CUL1: variants seen among roughly 807,000 people sequenced by gnomAD.
CUL1 encodes cullin 1.
CUL1 carries 24 observed loss-of-function variants against 118.0 expected under a neutral mutation model. The observed-to-expected ratio is 0.20, with a 90% CI of 0.15 to 0.29. The LOEUF (loss-of-function observed/expected upper bound fraction) is 0.29. Ranked by LOEUF, CUL1 falls within the 10% of genes least tolerant of loss-of-function variation. CUL1 has a pLI of 1.00. For missense variants in CUL1, 361 were observed against 933.8 expected (o/e 0.39, Z 7.99); for synonymous variants, 332 against 340.4 (o/e 0.98, Z 0.27).
intron 14 of CUL1, among the ~76,000 whole-genome samples, chr7:148,789,512 G>T (rs1800937037): frequency 6.6e-6 from 1 of 152,150 alleles, no homozygotes; most frequent in African/African-American, 2.4e-5. Context: ...TTCCGAGGTG[G>T]AAGCAAAATG....
intron 8 of CUL1, among the ~76,000 whole-genome samples, chr7:148,767,030 A>C (rs1376269675): frequency 2.0e-5 from 3 of 152,184 alleles, no homozygotes; most frequent in African/African-American, 4.8e-5. Flanking sequence ...CTGTCATCTT[A>C]TATTTCCCTT....
intron 16 of CUL1, 24 bp from the exon 17 acceptor site, chr7:148,792,702 T>C (rs1446474990): frequency 6.3e-7 from 1 of 1,583,296 alleles, no homozygotes; most frequent in Non-Finnish European, 8.6e-7. Context: ...TCCTTCTTTT[T>C]CTTTTATATG....
intron 1 of CUL1, among the ~76,000 whole-genome samples, 197 bp downstream of exon 1, chr7:148,699,226 G>A (rs1013622324): frequency 6.6e-6 from 1 of 152,030 alleles, no homozygotes; most frequent in African/African-American, 2.4e-5. Flanking sequence ...GGACGCCGAA[G>A]GTGGCAGAGG....
At chr7:148,762,900 A>C (rs1257839494) in intron 7 of CUL1, among the ~76,000 whole-genome samples, 2 of 152,236 alleles carry the variant, frequency 1.3e-5, no homozygotes, top group Non-Finnish European at 2.9e-5. Flanking sequence ...TGATCCTAGC[A>C]CTTTGGGAGG....
chr7:148,767,542 C>T, intron 8 of CUL1, 77 bp from the exon 9 acceptor site: 2 of 1,284,514 alleles, frequency 1.6e-6, no homozygotes, highest in Non-Finnish European at 1.1e-6. Flanking sequence ...TTTTTCATCT[C>T]AGTATAAATA....
chr7:148,759,927 A>G (rs1418174084), intron 6 of CUL1, among the ~76,000 whole-genome samples: 4 of 152,196 alleles, frequency 2.6e-5, no homozygotes, highest in East Asian at 3.8e-4. Context: ...TGTGAGCTCA[A>G]TGATAACCAG....
At chr7:148,746,016 C>T (rs1421680837) in intron 2 of CUL1, among the ~76,000 whole-genome samples, 2 of 152,030 alleles carry the variant, frequency 1.3e-5, no homozygotes, top group Non-Finnish European at 2.9e-5. Flanking sequence ...GTAGAAACTT[C>T]AAAACAGCTT....
intron 2 of CUL1, among the ~76,000 whole-genome samples, chr7:148,748,160 T>G (rs1267494519): frequency 6.6e-6 from 1 of 151,560 alleles, no homozygotes; most frequent in African/African-American, 2.4e-5. Flanking sequence ...AGAAACAGAG[T>G]TAAAATAGAA....
intron 1 of CUL1, among the ~76,000 whole-genome samples, chr7:148,725,247 A>ACACACC (rs1249684580): frequency 2.0e-5 from 3 of 150,934 alleles, no homozygotes; most frequent in African/African-American, 7.3e-5. Flanking sequence ...ACACACACAC[A>ACACACC]CCCGTACCCC....
Position 148,788,594 on chromosome 7 carries a change from G to A in CUL1, c.1517G>A (p.Arg506His). Residue 506 changes from arginine to histidine, a missense_variant, in exon 14 of 22, where the codon CGC becomes CAC. By Grantham distance (29) the Arg-to-His change is conservative (BLOSUM62 0). Around this residue, in one of 7 missense-constraint regions of CUL1, gnomAD observed 84 missense variants for 203.3 expected, o/e 0.41. Transcript: ENST00000325222. ...CGFEYTSKLQ[R>H]MFQDIGVSKD... ...TTCGAGTACACCTCTAAACTTCAGC[G>A]CATGTTTCAAGACATTGGCGTGAGC... 1 of 1,614,054 alleles carries A rather than the reference G, an allele frequency of 6.2e-7. No homozygotes were observed. Among genetic ancestry groups the A allele is most frequent in the Non-Finnish European group, 8.5e-7 (1 of 1,179,994 alleles).
At chr7:148,760,190 TAGTG>T in intron 6 of CUL1, 139 bp from the exon 7 acceptor site, 1 of 554,228 alleles carries the variant, frequency 1.8e-6, no homozygotes, top group East Asian at 3.1e-5. Context: ...ACTTTAATAC[TAGTG>T]AGTAAGAGTT....
chr7:148,730,369 T>A (rs1046881153), intron 2 of CUL1, 107 bp downstream of exon 2: 6 of 1,262,242 alleles, frequency 4.8e-6, no homozygotes, highest in Non-Finnish European at 5.3e-6. Flanking sequence ...CAGTTCATCA[T>A]GTAAAATAAT....
Position 148,730,280 on chromosome 7 carries a change from G to A in CUL1, c.140+18G>A, listed in dbSNP as rs749717088. Reference sequence around the variant, plus strand: ...CTCTACACGTATCCTCCTGCCTAGCGCAGGTTGATTGCTTAGAGTTTTGAT... The same window carrying A: ...CTCTACACGTATCCTCCTGCCTAGCACAGGTTGATTGCTTAGAGTTTTGAT... On this transcript the variant is annotated intron_variant, in intron 2 of 21. Coordinates refer to ENST00000325222, the MANE Select transcript of CUL1 (RefSeq NM_003592.3). The A allele has an allele frequency of 6.9e-6, 11 of 1,590,956 alleles. No individual in the cohort carries two copies. Among genetic ancestry groups the A allele is most frequent in the Middle Eastern group, 1.7e-4 (1 of 5,984 alleles).
chr7:148,798,703 G>T (rs1260847166), intron 20 of CUL1, 26 bp downstream of exon 20: 1 of 1,587,358 alleles, frequency 6.3e-7, no homozygotes, highest in Non-Finnish European at 8.7e-7. Context: ...GCCTGTGCCA[G>T]GTGTGCTGTC....
intron 2 of CUL1, among the ~76,000 whole-genome samples, chr7:148,731,162 C>T (rs1798752286): frequency 1.3e-5 from 2 of 152,178 alleles, no homozygotes; most frequent in Admixed American, 1.3e-4. Flanking sequence ...TCCCACTATT[C>T]GTGTGGTTGG....
rs878880800 is a variant in CUL1 at position 148,799,203 on chromosome 7, C to T, written c.2137-72C>T. 3 of 1,180,702 alleles carry T rather than the reference C, an allele frequency of 2.5e-6. No individual in the cohort carries two copies. The South Asian group carries it at 3.9e-5, about 15-fold the overall frequency. The allele number at this position is 1,180,702 out of a possible 1,614,324, so 73.1% of individuals were successfully genotyped here. A position where few individuals can be genotyped will look rare whatever the true frequency, so the allele number is the denominator to read the frequency against. ...ATAGGCGTCGGCAGCCTCTGTGCAG[C>T]TTGTCCTTAACTATCAATACAACGT... is the stretch of plus-strand genomic sequence containing the variant. On this transcript the variant is annotated intron_variant, in intron 20 of 21. Coordinates refer to ENST00000325222, the MANE Select transcript of CUL1 (RefSeq NM_003592.3).
chr7:148,736,131 A>G (rs1798933630), intron 2 of CUL1, among the ~76,000 whole-genome samples: 1 of 151,962 alleles, frequency 6.6e-6, no homozygotes, highest in African/African-American at 2.4e-5. Flanking sequence ...TCATGATCGC[A>G]CCACTGCACT....
At chr7:148,699,789 G>A (rs1310378142) in intron 1 of CUL1, among the ~76,000 whole-genome samples, 2 of 152,188 alleles carry the variant, frequency 1.3e-5, no homozygotes, top group East Asian at 1.9e-4. Context: ...AGTCGGGCCG[G>A]GCCCTGCGCT....
chr7:148,737,130 A>G (rs79289366), intron 2 of CUL1, among the ~76,000 whole-genome samples: 3 of 151,828 alleles, frequency 2.0e-5, no homozygotes, highest in Admixed American at 6.6e-5. Context: ...GAGAAATTGT[A>G]TATCTGTCTT....
Sources: allele counts gnomAD v4.1 joint callset (sites outside exome capture counted in the v4.1 genomes callset), GRCh38; gene constraint gnomAD v4.1.1; regional missense constraint gnomAD v4.1.1; transcripts MANE v1.5; gene names NCBI Gene and HGNC (gene_info 2026-07-23, HGNC 2026-07-21).